The following LOXHD1 variants were observed in gnomAD, a reference collection of about 807,000 sequenced individuals.
LOXHD1 encodes the protein lipoxygenase homology domain-containing protein 1.
Under a neutral mutation model 248.2 loss-of-function variants are expected in LOXHD1, and 205 were observed. That is an observed-to-expected ratio of 0.83 (90% CI 0.74 to 0.93). The LOEUF (loss-of-function observed/expected upper bound fraction) is 0.93, where lower values mean the gene tolerates loss of function less well. Ranked by LOEUF, LOXHD1 falls within the 40% of genes least tolerant of loss-of-function variation. The pLI is 0.00. For synonymous variants in LOXHD1, 1,113 were observed against 1,162.8 expected (o/e 0.96, Z 0.87); for missense variants, 2,930 against 2,971.6 (o/e 0.99, Z 0.33).
intron 26 of LOXHD1, 46 bp from the exon 27 acceptor site, chr18:46,534,497 G>C: frequency 1.4e-6 from 2 of 1,455,496 alleles, no homozygotes; most frequent in Admixed American, 2.0e-5. Flanking sequence ...AAAGATCCAG[G>C]AAAGTATGGC....
At chr18:46,483,523 C>T in intron 40 of LOXHD1, 64 bp downstream of exon 40, 1 of 1,537,888 alleles carries the variant, frequency 6.5e-7, no homozygotes. Context: ...TGCCCATGGT[C>T]CAGCTCAGTC....
chr18:46,493,732 A>T (rs2033647351), intron 37 of LOXHD1, among the ~76,000 whole-genome samples: 1 of 152,234 alleles, frequency 6.6e-6, no homozygotes, highest in Admixed American at 6.5e-5. Context: ...CTTTTCAGGC[A>T]AGAGATGACA....
At chr18:46,478,020 C>G in intron 40 of LOXHD1, 68 bp from the exon 41 acceptor site, 1 of 1,491,010 alleles carries the variant, frequency 6.7e-7, no homozygotes, top group Non-Finnish European at 9.0e-7. Flanking sequence ...GCTCCCTCCC[C>G]CAGATCCCCT....
chr18:46,593,327 T>C (rs976131479), intron 10 of LOXHD1, among the ~76,000 whole-genome samples: 4 of 152,228 alleles, frequency 2.6e-5, no homozygotes, highest in African/African-American at 9.6e-5. Context: ...AACTCCTGGA[T>C]AGTTTAAGCC....
intron 14 of LOXHD1, among the ~76,000 whole-genome samples, chr18:46,574,388 T>TACACAC (rs569144159): frequency 0.043 from 5,415 of 125,260 alleles, 139 homozygotes; most frequent in Non-Finnish European, 0.061. Context: ...TGTGTACACA[T>TACACAC]ACACACACAC....
At chr18:46,506,631 C>T (rs2034591641) in intron 36 of LOXHD1, among the ~76,000 whole-genome samples, 1 of 152,196 alleles carries the variant, frequency 6.6e-6, no homozygotes, top group Non-Finnish European at 1.5e-5. Flanking sequence ...ACACTTGGAA[C>T]TTTAAGCAAT....
At chr18:46,562,749 G>A (rs923879292) in intron 18 of LOXHD1, among the ~76,000 whole-genome samples, 1 of 152,106 alleles carries the variant, frequency 6.6e-6, no homozygotes, top group East Asian at 1.9e-4. Flanking sequence ...GCTTTTCAAC[G>A]TACACCCAGA....
chr18:46,530,253 C>T (rs1391678865), intron 28 of LOXHD1, among the ~76,000 whole-genome samples: 1 of 152,126 alleles, frequency 6.6e-6, no homozygotes, highest in East Asian at 1.9e-4. Flanking sequence ...GGTTAACTTC[C>T]CTTGTCCTGG....
chr18:46,496,584 C>G (rs1319096731), intron 37 of LOXHD1, among the ~76,000 whole-genome samples: 2 of 152,146 alleles, frequency 1.3e-5, no homozygotes, highest in African/African-American at 4.8e-5. Context: ...GCCATCTTAG[C>G]TTGTATTAAC....
chr18:46,519,368 T>C (rs868377818), intron 33 of LOXHD1, among the ~76,000 whole-genome samples: 4 of 152,174 alleles, frequency 2.6e-5, no homozygotes, highest in African/African-American at 9.7e-5. Flanking sequence ...CCGGAGCTAT[T>C]AATCACAGCG....
intron 37 of LOXHD1, among the ~76,000 whole-genome samples, chr18:46,489,415 CAAGA>C (rs2143633209): frequency 6.6e-6 from 1 of 152,236 alleles, no homozygotes; most frequent in South Asian, 2.1e-4. Flanking sequence ...TCCATGACCC[CAAGA>C]AATTGTGCTG....
At chr18:46,533,719 T>G (rs1166868423) in intron 27 of LOXHD1, 5 of 334,592 alleles carry the variant, frequency 1.5e-5, no homozygotes, top group African/African-American at 8.9e-5. Flanking sequence ...ATGTCAGGAT[T>G]TCAAGACCAG....
chr18:46,577,963 G>T, intron 13 of LOXHD1, 96 bp from the exon 14 acceptor site: 1 of 1,364,452 alleles, frequency 7.3e-7, no homozygotes, highest in Non-Finnish European at 1.0e-6. Flanking sequence ...AAAATCCAGA[G>T]CTGATGGGTT....
Position 46,485,103 on chromosome 18 carries a change from T to G in LOXHD1, c.6098A>C (p.Asn2033Thr). ...ETGNGGETRENVWLILEGRKN... is the reference protein window; with the variant it reads ...ETGNGGETRETVWLILEGRKN... ...CCTGCCCTCCAGGATGAGCCAGACGTTCTCCCTGGTTTCGCCTCCGTTGCC... is the reference window on the plus strand; with the variant it reads ...CCTGCCCTCCAGGATGAGCCAGACGGTCTCCCTGGTTTCGCCTCCGTTGCC... Residue 2033 changes from asparagine (N) to threonine (T), a missense_variant, in exon 39 of 41, where the codon AAC (asparagine) becomes ACC (threonine). By Grantham distance (65) the Asn-to-Thr change is moderately conservative (BLOSUM62 0). Coordinates refer to ENST00000642948, the MANE Select transcript of LOXHD1 (RefSeq NM_001384474.1). 6.4e-7 allele frequency: 1 copy of G among 1,550,452 alleles called. No homozygotes were observed. The highest frequency in any genetic ancestry group is 8.7e-7 in the Non-Finnish European group (1 of 1,146,658).
rs1444777336 is a variant in LOXHD1, at chr18:46,541,941, C to G, written c.3749-1G>C. The G allele has an allele frequency of 6.5e-7, 1 of 1,550,040 alleles. No homozygotes were observed. Among genetic ancestry groups the G allele is most frequent in the South Asian group, 1.2e-5 (1 of 83,926 alleles). ...TCTACAAACCAGCCTGGGGCCTTGC[C>G]TAGAGAGAGAGGAGACACAAAACCC... On this transcript the variant is annotated splice_acceptor_variant, in intron 24 of 40. Transcript: ENST00000642948. LOFTEE classifies it high-confidence loss of function.
chr18:46,533,474 A>G lies in LOXHD1; in HGVS notation c.4213-150T>C, dbSNP rs1035569294. ...AGCCACAGGAGAGCCCCTTGCCCCAATTTCAGTAGATCAGTCTTAAAGACT... is the reference window on the plus strand; with the variant it reads ...AGCCACAGGAGAGCCCCTTGCCCCAGTTTCAGTAGATCAGTCTTAAAGACT... On this transcript the variant is annotated intron_variant, in intron 27 of 40. Coordinates refer to ENST00000642948, the MANE Select transcript of LOXHD1 (RefSeq NM_001384474.1). 3.0e-4 allele frequency: 223 copies of G among 741,822 alleles called. 1 individual carries two copies. The highest frequency in any genetic ancestry group is 6.4e-5 in the Non-Finnish European group (30 of 466,612). The allele number at this position is 741,822 out of a possible 1,614,324, so 46.0% of individuals were successfully genotyped here.
chr18:46,592,466 A>C (rs1199298429), intron 11 of LOXHD1, 32 bp downstream of exon 11: 2 of 1,517,878 alleles, frequency 1.3e-6, no homozygotes, highest in Non-Finnish European at 1.8e-6. Flanking sequence ...CTTTCCCAAC[A>C]ACCTCCCAAA....
Position 46,545,348 on chromosome 18 carries a change from G to A in LOXHD1, c.3588C>T (p.Phe1196=). ...KKNAGTDANV[F]ITLFGTQDDT... is the part of the protein sequence containing the mutation. The stretch of plus-strand genomic sequence containing the variant: ...CATCCTGTGTGCCAAAGAGTGTGAT[G>A]AAGACATTAGCATCTGTGCCCGCAT... The change falls in exon 23 of 41, where the codon TTC becomes TTT. Residue 1196 remains phenylalanine (F), a synonymous_variant. Coordinates refer to ENST00000642948, the MANE Select transcript of LOXHD1 (RefSeq NM_001384474.1). 3.9e-6 allele frequency: 6 copies of A among 1,551,836 alleles called. No individual in the cohort carries two copies. Among genetic ancestry groups the A allele is most frequent in the Non-Finnish European group, 5.2e-6 (6 of 1,146,954 alleles).
chr18:46,477,525 C>T lies in LOXHD1; in HGVS notation c.6769G>A (p.Asp2257Asn). 6.4e-7 allele frequency: 1 copy of T among 1,551,268 alleles called. No individual in the cohort carries two copies. ...GTGAGTCCATCCCCCCGCTTCTTGT[C>T]CAGCCACCTGCCACAGTTGAAGATG... ...ATIFNCGRWLDKKRGDGLTWR... is the reference protein window; with the variant it reads ...ATIFNCGRWLNKKRGDGLTWR... Residue 2257 changes from aspartate to asparagine, a missense_variant, in exon 41 of 41, where the codon GAC becomes AAC. By Grantham distance (23) the Asp-to-Asn change is conservative (BLOSUM62 1). Coordinates refer to ENST00000642948, the MANE Select transcript of LOXHD1 (RefSeq NM_001384474.1).
Sources: allele counts gnomAD v4.1 joint callset (sites outside exome capture counted in the v4.1 genomes callset), GRCh38; gene constraint gnomAD v4.1.1; transcripts MANE v1.5; gene names NCBI Gene and HGNC (gene_info 2026-07-23, HGNC 2026-07-21).